The following ZMYM2 variants were observed in gnomAD, a reference collection of about 807,000 sequenced individuals.
ZMYM2 encodes zinc finger MYM-type containing 2, also known as zinc finger MYM-type protein 2.
A neutral mutation model predicts 162.8 loss-of-function variants in ZMYM2; 56 were observed. The ratio of observed to expected loss-of-function variants is 0.34; its 90% confidence interval spans 0.28 to 0.43. ZMYM2 has a LOEUF of 0.43. ZMYM2 is among the 20% of genes least tolerant of loss of function. The probability of loss-of-function intolerance (pLI) is 1.00; values close to 1 mark genes in which losing one functional copy is unlikely to be tolerated. For missense variants in ZMYM2, 1,275 were observed against 1,621.8 expected (o/e 0.79, Z 3.67); for synonymous variants, 510 against 541.6 (o/e 0.94, Z 0.81).
the ZMYM2 span, among the ~76,000 whole-genome samples, chr13:19,866,535 C>T: frequency 6.6e-6 from 1 of 152,074 alleles, no homozygotes; most frequent in African/African-American, 2.4e-5. Context: ...CGTGGTGGCG[C>T]ATGCCTGTAA....
chr13:19,972,897 T>TTA (rs1018287824), intron 2 of ZMYM2, among the ~76,000 whole-genome samples: 1 of 150,886 alleles, frequency 6.6e-6, no homozygotes, highest in Non-Finnish European at 1.5e-5. Context: ...CTGTTACAAA[T>TTA]TATATATATA....
chr13:19,961,848 A>G (rs1361384291), intron 2 of ZMYM2, among the ~76,000 whole-genome samples: 2 of 152,204 alleles, frequency 1.3e-5, no homozygotes, highest in Non-Finnish European at 2.9e-5. Flanking sequence ...TAACCTGATG[A>G]TTTTTAATTG....
At position 20,051,456 on chromosome 13, in the gene ZMYM2, A is replaced by G. The variant is rs752325529; in HGVS notation, c.2316A>G (p.Lys772=). Residue 772 remains lysine, a synonymous_variant, in exon 13 of 25, where the codon AAA becomes AAG. Coordinates refer to ENST00000610343, the MANE Select transcript of ZMYM2 (RefSeq NM_197968.4). ...YYKAARCDCC[K]SQGTLKERVQ... is the part of the protein sequence containing the mutation. ...AGGCTGCAAGGTGTGACTGTTGTAA[A>G]TCTCAAGGAACTCTTAAAGAGCGAG... is the stretch of plus-strand genomic sequence containing the variant. 35 of 1,612,850 alleles carry G rather than the reference A, an allele frequency of 2.2e-5. No homozygotes were observed. The South Asian group carries it at 3.7e-4, about 17-fold the overall frequency.
At chr13:19,875,226 C>A in the ZMYM2 span, among the ~76,000 whole-genome samples, 2 of 152,054 alleles carry the variant, frequency 1.3e-5, no homozygotes, top group Non-Finnish European at 2.9e-5. Context: ...TGGGTGTTCA[C>A]CCGCATGTGT....
upstream of ZMYM2, among the ~76,000 whole-genome samples, chr13:19,954,285 T>C (rs991554187): frequency 2.4e-4 from 37 of 151,698 alleles, no homozygotes; most frequent in Middle Eastern, 3.4e-3. Context: ...CCCACCACCA[T>C]GCCTGGCTAA....
intron 21 of ZMYM2, among the ~76,000 whole-genome samples, chr13:20,073,342 C>T (rs1957233912): frequency 6.6e-6 from 1 of 152,132 alleles, no homozygotes; most frequent in African/African-American, 2.4e-5. Context: ...TATATAACTG[C>T]TTTAAGTTGT....
chr13:20,056,257 G>C (rs1955785646), intron 14 of ZMYM2, among the ~76,000 whole-genome samples: 1 of 152,154 alleles, frequency 6.6e-6, no homozygotes. Context: ...AAAAAGCATG[G>C]ATGATACCCA....
the ZMYM2 span, among the ~76,000 whole-genome samples, chr13:19,883,190 ATAAG>A: frequency 1.4e-4 from 22 of 152,314 alleles, no homozygotes; most frequent in South Asian, 6.2e-4. Flanking sequence ...AGTATCTCAA[ATAAG>A]TAAACCTATA....
chr13:19,936,247 AT>A, the ZMYM2 span, among the ~76,000 whole-genome samples: 11 of 152,068 alleles, frequency 7.2e-5, no homozygotes, highest in Non-Finnish European at 2.9e-5. Flanking sequence ...TTATATGGTG[AT>A]TTTTCCCATA....
chr13:20,077,241 A>G (rs910053586), intron 21 of ZMYM2, among the ~76,000 whole-genome samples: 4 of 150,554 alleles, frequency 2.7e-5, no homozygotes, highest in Admixed American at 1.3e-4. Context: ...GACAACTTAC[A>G]TTTACTGACT....
At chr13:20,075,721 G>A (rs368671061) in intron 21 of ZMYM2, among the ~76,000 whole-genome samples, 6 of 123,508 alleles carry the variant, frequency 4.9e-5, no homozygotes, top group South Asian at 2.6e-4. Context: ...AGTCTCTATC[G>A]CCCAGGCTGG....
intron 18 of ZMYM2, 86 bp downstream of exon 18, chr13:20,063,057 C>A: frequency 7.2e-7 from 1 of 1,390,644 alleles, no homozygotes; most frequent in South Asian, 1.5e-5. Context: ...TGTGTCATTG[C>A]CTTTTAGCAG....
chr13:20,015,140 A>G (rs1020843813), intron 6 of ZMYM2, among the ~76,000 whole-genome samples: 7 of 152,294 alleles, frequency 4.6e-5, no homozygotes, highest in Non-Finnish European at 7.4e-5. Context: ...TGCATCTCAT[A>G]ACTTTTGGTA....
chr13:20,011,770 G>C (rs1359812726), intron 6 of ZMYM2, among the ~76,000 whole-genome samples: 1 of 150,278 alleles, frequency 6.7e-6, no homozygotes, highest in Non-Finnish European at 1.5e-5. Context: ...TCTTTTTTGA[G>C]ATGGAGTCTT....
the ZMYM2 span, among the ~76,000 whole-genome samples, chr13:19,938,369 C>T: frequency 6.6e-6 from 1 of 152,004 alleles, no homozygotes; most frequent in Non-Finnish European, 1.5e-5. Context: ...ATTAGCCGGG[C>T]GTGATGGTGC....
chr13:20,014,023 A>T (rs1951408508), intron 6 of ZMYM2, among the ~76,000 whole-genome samples: 1 of 151,998 alleles, frequency 6.6e-6, no homozygotes, highest in Non-Finnish European at 1.5e-5. Context: ...GTTTGGTAGA[A>T]TTTACCTGTG....
At chr13:19,992,968 A>G in intron 2 of ZMYM2, 95 bp from the exon 3 acceptor site, 1 of 1,343,250 alleles carries the variant, frequency 7.4e-7, no homozygotes, top group Non-Finnish European at 9.9e-7. Context: ...TAGAATAAAA[A>G]TAAAATAAAA....
At chr13:20,026,936 C>T (rs780718608) in intron 8 of ZMYM2, among the ~76,000 whole-genome samples, 174 bp downstream of exon 8, 4 of 151,976 alleles carry the variant, frequency 2.6e-5, no homozygotes, top group Admixed American at 6.6e-5. Context: ...TAGTTCTCTT[C>T]ATGTCTATGT....
chr13:20,067,646 A>G (rs1392322529), intron 21 of ZMYM2, among the ~76,000 whole-genome samples: 2 of 152,196 alleles, frequency 1.3e-5, no homozygotes, highest in Non-Finnish European at 1.5e-5. Context: ...TCTACATGTA[A>G]ACAGAAAAAT....
Sources: gnomAD v4.1 joint callset for allele counts (sites outside exome capture counted in the v4.1 genomes callset) on GRCh38, gnomAD v4.1.1 for gene constraint, MANE v1.5 for transcripts, NCBI Gene and HGNC (gene_info 2026-07-23, HGNC 2026-07-21) for gene names.